Variants in ZNF124 observed in about 807,000 individuals in gnomAD.
ZNF124 encodes zinc finger protein HZF-16.
In ZNF124, 25 loss-of-function variants were observed where a neutral mutation model predicts 26.6. The observed-to-expected ratio is 0.94, with a 90% confidence interval of 0.68 to 1.31. The LOEUF is 1.31. Ranked by LOEUF, ZNF124 falls within the 40% of genes most tolerant of loss-of-function variation. The pLI, the probability that ZNF124 is intolerant of heterozygous loss-of-function variation, is 0.00. For synonymous variants in ZNF124, 129 were observed against 133.3 expected (o/e 0.97, Z 0.22); for missense variants, 444 against 422.2 (o/e 1.05, Z -0.45).
At chr1:247,159,975 AGTTCTT>A in intron 1 of ZNF124, 162 bp from the exon 2 acceptor site, 12 of 340,282 alleles carry the variant, frequency 3.5e-5, no homozygotes, top group Middle Eastern at 5.8e-4. Context: ...CCCACATAGC[AGTTCTT>A]TTTTTTTTTT....
chr1:247,125,430 C>CTTTTTTTTTT lies in ZNF124; in HGVS notation c.219-1569_219-1560dup, dbSNP rs71566695. ...TATCTTCACCGACACCTGTTTTTGTCTTTTTTTTTTTTTTTTTTTTTTTTT... is the reference window on the plus strand; with the variant it reads ...TATCTTCACCGACACCTGTTTTTGTCTTTTTTTTTTTTTTTTTTTTTTTTTTTTTTTTTTT... On this transcript the variant is annotated intron_variant, in intron 3 of 3. Coordinates refer to the ZNF124 transcript ENST00000472531. Among the ~76,000 whole-genome samples the CTTTTTTTTTT allele has an allele frequency of 7.9e-3, 341 of 43,318 alleles. 22 individuals carry two copies. Among genetic ancestry groups the CTTTTTTTTTT allele is most frequent in the Non-Finnish European group, 0.011 (258 of 23,410 alleles). 28.4% of individuals were successfully genotyped at this position (43,318 alleles called of 152,430 possible).
chr1:247,164,372 G>T (rs975190574), intron 1 of ZNF124, among the ~76,000 whole-genome samples: 1 of 152,154 alleles, frequency 6.6e-6, no homozygotes, highest in African/African-American at 2.4e-5. Context: ...CACAGTCTCT[G>T]TTGAAAAGCT....
intron 3 of ZNF124, chr1:247,138,840 G>A (rs896101585): frequency 7.5e-6 from 3 of 398,000 alleles, no homozygotes; most frequent in Non-Finnish European, 1.3e-5. Flanking sequence ...AACTGGAAAT[G>A]TCAAGCTGGG....
At chr1:247,134,901 C>G (rs1013496526) in intron 3 of ZNF124, among the ~76,000 whole-genome samples, 1 of 152,172 alleles carries the variant, frequency 6.6e-6, no homozygotes, top group Non-Finnish European at 1.5e-5. Flanking sequence ...AATAGTCTCT[C>G]GGACCACAGT....
intron 3 of ZNF124, among the ~76,000 whole-genome samples, chr1:247,136,358 A>G (rs1446247740): frequency 1.3e-5 from 2 of 152,056 alleles, no homozygotes; most frequent in African/African-American, 2.4e-5. Context: ...CCAATAGGCA[A>G]GCAGAGAGTC....
intron 3 of ZNF124, among the ~76,000 whole-genome samples, chr1:247,136,005 C>T (rs1416647969): frequency 3.9e-5 from 6 of 152,064 alleles, no homozygotes; most frequent in East Asian, 3.9e-4. Context: ...TCTCAATCAA[C>T]GAGGTATTGA....
downstream of ZNF124, among the ~76,000 whole-genome samples, chr1:247,153,628 G>C (rs1673009601): frequency 6.6e-6 from 1 of 152,110 alleles, no homozygotes; most frequent in Non-Finnish European, 1.5e-5. Flanking sequence ...ATCTCTACCT[G>C]GAAACAGACA....
At chr1:247,130,309 C>T (rs912881046) in intron 3 of ZNF124, among the ~76,000 whole-genome samples, 1 of 152,028 alleles carries the variant, frequency 6.6e-6, no homozygotes, top group South Asian at 2.1e-4. Context: ...CAGGTTTGTT[C>T]TTTTCTGGGG....
At chr1:247,143,187 C>T (rs1442346325) in intron 3 of ZNF124, among the ~76,000 whole-genome samples, 1 of 152,042 alleles carries the variant, frequency 6.6e-6, no homozygotes, top group Non-Finnish European at 1.5e-5. Flanking sequence ...CAATAATATA[C>T]CACAAATCAG....
intron 3 of ZNF124, among the ~76,000 whole-genome samples, chr1:247,158,755 A>C (rs781217644): frequency 6.6e-6 from 1 of 151,978 alleles, no homozygotes; most frequent in Admixed American, 6.6e-5. Context: ...TCAGCCTCCC[A>C]AACAGCAGGG....
chr1:247,152,136 C>G (rs910571410), downstream of ZNF124, among the ~76,000 whole-genome samples: 2 of 149,110 alleles, frequency 1.3e-5, no homozygotes, highest in African/African-American at 4.9e-5. Context: ...CCACTTAGGA[C>G]ATGTGCATGT....
chr1:247,138,576 G>A (rs187200265), intron 3 of ZNF124: 298 of 387,496 alleles, frequency 7.7e-4, no homozygotes, highest in African/African-American at 5.7e-3. Context: ...CACGTATCCC[G>A]TTTTCGTTTG....
chr1:247,138,546 T>C (rs182234119), intron 3 of ZNF124: 123 of 377,512 alleles, frequency 3.3e-4, no homozygotes, highest in African/African-American at 2.5e-3. Flanking sequence ...TATACCCATG[T>C]AACAAACTCA....
At chr1:247,160,921 T>C (rs1479492913) in intron 1 of ZNF124, among the ~76,000 whole-genome samples, 1 of 152,226 alleles carries the variant, frequency 6.6e-6, no homozygotes, top group African/African-American at 2.4e-5. Context: ...AAAATAATTA[T>C]TTTACAATTT....
chr1:247,149,123 T>G (rs894053944), intron 3 of ZNF124, among the ~76,000 whole-genome samples: 1 of 152,212 alleles, frequency 6.6e-6, no homozygotes, highest in Non-Finnish European at 1.5e-5. Context: ...TCAAGTCTGT[T>G]TCTTTCATTT....
intron 3 of ZNF124, among the ~76,000 whole-genome samples, chr1:247,145,302 G>C (rs1357502580): frequency 6.6e-6 from 1 of 152,198 alleles, no homozygotes; most frequent in African/African-American, 2.4e-5. Flanking sequence ...ACACAACGTT[G>C]TCAGAGTGCA....
chr1:247,157,550 C>A, intron 3 of ZNF124, 147 bp from the exon 4 acceptor site: 1 of 710,444 alleles, frequency 1.4e-6, no homozygotes, highest in South Asian at 1.8e-5. Context: ...CACAGTATGT[C>A]TATCATATGA....
In ZNF124 at chr1:247,157,353, C is replaced by A. The variant is rs770958466; in HGVS notation, c.269G>T (p.Gly90Val). Residue 90 changes from glycine to valine, a missense_variant, in exon 4 of 4, where the codon GGA (glycine) becomes GTA (valine). Physicochemically the swap from Gly to Val is moderately radical, Grantham distance 109 (BLOSUM62 -3). Transcript: ENST00000543802. ...TTGTTTACATGTACATGGCTTCTTT[C>A]CGCATTCCTCACACCCATATGGGTT... ...GNNPYGCEEC[G>V]KKPCTCKQCQ... is the part of the protein sequence containing the mutation. The A allele has an allele frequency of 6.4e-7, 1 of 1,556,064 alleles. No homozygotes were observed. The highest frequency in any genetic ancestry group is 8.7e-7 in the Non-Finnish European group (1 of 1,148,890).
At chr1:247,149,191 G>A (rs1672863165) in intron 3 of ZNF124, among the ~76,000 whole-genome samples, 1 of 152,154 alleles carries the variant, frequency 6.6e-6, no homozygotes, top group Non-Finnish European at 1.5e-5. Flanking sequence ...GTGGGAAAAT[G>A]AAGTGAGAGA....
Sources: allele counts gnomAD v4.1 joint callset (sites outside exome capture counted in the v4.1 genomes callset), GRCh38; gene constraint gnomAD v4.1.1; transcripts MANE v1.5; gene names NCBI Gene and HGNC (gene_info 2026-07-23, HGNC 2026-07-21).